TMEM178B: variants seen among roughly 807,000 people sequenced by gnomAD.
TMEM178B encodes the protein transmembrane protein 178B.
Under a neutral mutation model 31.0 loss-of-function variants are expected in TMEM178B, and 5 were observed. The ratio of observed to expected loss-of-function variants is 0.16; its 90% CI spans 0.08 to 0.34. TMEM178B has a LOEUF of 0.34. Ranked by LOEUF, TMEM178B falls within the 10% of genes least tolerant of loss-of-function variation. The probability of loss-of-function intolerance (pLI) is 1.00; values close to 1 mark genes in which losing one functional copy is unlikely to be tolerated. For missense variants in TMEM178B, 275 were observed against 400.3 expected (o/e 0.69, Z 2.67); for synonymous variants, 164 against 164.0 (o/e 1.00, Z 0.00).
intron 1 of TMEM178B, among the ~76,000 whole-genome samples, chr7:141,195,758 G>A (rs893614782): frequency 1.3e-5 from 2 of 152,116 alleles, no homozygotes; most frequent in Non-Finnish European, 2.9e-5. Flanking sequence ...CCCAAGACTG[G>A]GAAGAAAAAG....
chr7:141,262,219 G>C (rs1425996183), intron 2 of TMEM178B, among the ~76,000 whole-genome samples: 1 of 151,992 alleles, frequency 6.6e-6, no homozygotes, highest in Non-Finnish European at 1.5e-5. Flanking sequence ...TACTTCTCTG[G>C]GCTCAGCAAG....
chr7:141,246,011 C>G (rs1178154284), intron 2 of TMEM178B, among the ~76,000 whole-genome samples: 1 of 150,668 alleles, frequency 6.6e-6, no homozygotes, highest in Non-Finnish European at 1.5e-5. Context: ...TTTTTTTTTT[C>G]CTGAATTCCA....
chr7:141,303,016 CA>C (rs1456654338), intron 2 of TMEM178B, among the ~76,000 whole-genome samples: 1 of 152,114 alleles, frequency 6.6e-6, no homozygotes, highest in African/African-American at 2.4e-5. Context: ...ATAGGAGTTC[CA>C]GGGGGAGAAA....
chr7:141,086,591 G>A (rs1394393787), intron 1 of TMEM178B, among the ~76,000 whole-genome samples: 3 of 152,126 alleles, frequency 2.0e-5, no homozygotes, highest in Non-Finnish European at 4.4e-5. Flanking sequence ...AAATATGCAT[G>A]AGACTAATAA....
chr7:141,114,343 C>T (rs984480494), intron 1 of TMEM178B, among the ~76,000 whole-genome samples: 1 of 152,146 alleles, frequency 6.6e-6, no homozygotes, highest in African/African-American at 2.4e-5. Context: ...TGCACTGTAT[C>T]TCCCTTCAGC....
chr7:141,090,702 T>G (rs1421449056), intron 1 of TMEM178B, among the ~76,000 whole-genome samples: 1 of 152,182 alleles, frequency 6.6e-6, no homozygotes, highest in Non-Finnish European at 1.5e-5. Flanking sequence ...TTGTGGTAGG[T>G]GAACATTACA....
At chr7:141,506,477 C>A in the TMEM178B span, among the ~76,000 whole-genome samples, 1 of 152,112 alleles carries the variant, frequency 6.6e-6, no homozygotes, top group African/African-American at 2.4e-5. Flanking sequence ...AAAGGAGAAA[C>A]CCCTGATAAA....
intron 2 of TMEM178B, among the ~76,000 whole-genome samples, chr7:141,404,217 A>G (rs1041050150): frequency 2.6e-5 from 4 of 152,326 alleles, no homozygotes; most frequent in South Asian, 4.1e-4. Context: ...AGGCAGGAGA[A>G]TGGCGTGAAC....
At chr7:141,174,694 G>A (rs1316799794) in intron 1 of TMEM178B, among the ~76,000 whole-genome samples, 2 of 152,128 alleles carry the variant, frequency 1.3e-5, no homozygotes, top group African/African-American at 2.4e-5. Context: ...GTTTTGATTT[G>A]CATTTCTCTG....
chr7:141,427,700 A>G (rs1039982565), intron 2 of TMEM178B, among the ~76,000 whole-genome samples: 1 of 152,200 alleles, frequency 6.6e-6, no homozygotes, highest in South Asian at 2.1e-4. Context: ...ACAAAAATCA[A>G]CGAATGGGAT....
At chr7:141,368,389 T>C (rs184335702) in intron 2 of TMEM178B, among the ~76,000 whole-genome samples, 1 of 152,248 alleles carries the variant, frequency 6.6e-6, no homozygotes, top group Admixed American at 6.5e-5. Flanking sequence ...TTGCATGTTT[T>C]AAACTTCTCT....
At chr7:141,269,584 T>C (rs1798148484) in intron 2 of TMEM178B, among the ~76,000 whole-genome samples, 1 of 152,250 alleles carries the variant, frequency 6.6e-6, no homozygotes, top group Admixed American at 6.5e-5. Flanking sequence ...ATGAAGCTTA[T>C]ATTTTTTATT....
At chr7:141,231,054 G>A in intron 2 of TMEM178B, among the ~76,000 whole-genome samples, 1 of 152,154 alleles carries the variant, frequency 6.6e-6, no homozygotes, top group East Asian at 1.9e-4. Context: ...GTTCAGAAAG[G>A]AAAGCCCAGC....
intron 1 of TMEM178B, among the ~76,000 whole-genome samples, chr7:141,077,383 T>C (rs1794616642): frequency 6.6e-6 from 1 of 152,246 alleles, no homozygotes; most frequent in Admixed American, 6.5e-5. Flanking sequence ...CTAAATGATC[T>C]AAAGAACTTA....
At chr7:141,454,480 G>T (rs1226371060) in intron 3 of TMEM178B, among the ~76,000 whole-genome samples, 2 of 151,936 alleles carry the variant, frequency 1.3e-5, no homozygotes, top group African/African-American at 2.4e-5. Context: ...CTGGGGTCAG[G>T]GCCCAAGACC....
chr7:141,123,915 G>A (rs1324407441), intron 1 of TMEM178B, among the ~76,000 whole-genome samples: 1 of 152,094 alleles, frequency 6.6e-6, no homozygotes, highest in Non-Finnish European at 1.5e-5. Context: ...ACCAAGCCTG[G>A]CTATTTTTTT....
intron 1 of TMEM178B, among the ~76,000 whole-genome samples, chr7:141,145,118 C>G (rs571060755): frequency 1.3e-5 from 2 of 152,346 alleles, no homozygotes; most frequent in East Asian, 1.9e-4. Flanking sequence ...ACTCAAAGCT[C>G]TGTTCCTGTG....
chr7:141,425,563 T>C (rs1801297546), intron 2 of TMEM178B, among the ~76,000 whole-genome samples: 1 of 152,180 alleles, frequency 6.6e-6, no homozygotes, highest in African/African-American at 2.4e-5. Context: ...CCCTTCTGCA[T>C]TTTCTGCTGT....
chr7:141,159,060 C>T lies in TMEM178B; in HGVS notation c.383-53531C>T, dbSNP rs959975949. 5.9e-5 allele frequency among the ~76,000 whole-genome samples: 9 copies of T among 152,184 alleles called. No individual in the cohort carries two copies. In the South Asian group the frequency reaches 6.2e-4, roughly 11 times the overall value. The stretch of plus-strand genomic sequence containing the variant: ...TCTCTGATTTTGTGAATGATGTCAC[C>T]ATGCATCCAGGGACTCAGCCATCTT... On this transcript the variant is annotated intron_variant, in intron 1 of 3. Coordinates refer to ENST00000565468, the MANE Select transcript of TMEM178B (RefSeq NM_001195278.2).
Sources: gnomAD v4.1 joint callset for allele counts (sites outside exome capture counted in the v4.1 genomes callset) on GRCh38, gnomAD v4.1.1 for gene constraint, MANE v1.5 for transcripts, NCBI Gene and HGNC (gene_info 2026-07-23, HGNC 2026-07-21) for gene names.